The following ARHGEF26 variants were observed in gnomAD, a reference collection of about 807,000 sequenced individuals.
ARHGEF26 encodes the protein Rho guanine nucleotide exchange factor 26.
Under a neutral mutation model 89.4 loss-of-function variants are expected in ARHGEF26, and 59 were observed. The ratio of observed to expected loss-of-function variants is 0.66; its 90% CI spans 0.54 to 0.82. The LOEUF (loss-of-function observed/expected upper bound fraction) is 0.82. ARHGEF26 is among the 40% of genes least tolerant of loss of function. The pLI, the probability that ARHGEF26 is intolerant of heterozygous loss-of-function variation, is 0.00. For missense variants in ARHGEF26, 1,234 were observed against 1,085.6 expected, an observed-to-expected ratio of 1.14 and a Z score of -1.92; for synonymous variants, 500 against 428.4, an observed-to-expected ratio of 1.17 and a Z score of -2.06.
chr3:154,195,489 C>T (rs115555773), intron 9 of ARHGEF26, among the ~76,000 whole-genome samples: 1,617 of 152,082 alleles, frequency 0.011, 23 homozygotes, highest in African/African-American at 0.037. Flanking sequence ...GGCAGTGGCC[C>T]CTATTGACAT....
chr3:154,160,483 A>G (rs1206468727), intron 6 of ARHGEF26, among the ~76,000 whole-genome samples: 2 of 152,166 alleles, frequency 1.3e-5, no homozygotes, highest in Admixed American at 1.3e-4. Context: ...AATCCCAGTA[A>G]AAATGATGGG....
At chr3:154,190,097 T>C (rs1370001136) in intron 7 of ARHGEF26, among the ~76,000 whole-genome samples, 1 of 152,180 alleles carries the variant, frequency 6.6e-6, no homozygotes, top group Non-Finnish European at 1.5e-5. Flanking sequence ...AATATCCATC[T>C]ACCTCCTACC....
chr3:154,234,205 C>G (rs929091047), intron 11 of ARHGEF26, among the ~76,000 whole-genome samples: 6 of 152,170 alleles, frequency 3.9e-5, no homozygotes, highest in Non-Finnish European at 7.3e-5. Flanking sequence ...TGTGGGAAAG[C>G]TGGCTTGTGC....
At chr3:154,237,581 GTTTA>G (rs1717201065) in intron 11 of ARHGEF26, among the ~76,000 whole-genome samples, 1 of 90,938 alleles carries the variant, frequency 1.1e-5, no homozygotes, top group Non-Finnish European at 2.2e-5. Flanking sequence ...CACTTAACTA[GTTTA>G]TTCATATTAG....
At chr3:154,148,884 C>CA (rs1163436204) in intron 4 of ARHGEF26, among the ~76,000 whole-genome samples, 2 of 151,942 alleles carry the variant, frequency 1.3e-5, no homozygotes, top group Non-Finnish European at 2.9e-5. Context: ...ACATGTGGAC[C>CA]AAAAAAACAC....
At chr3:154,182,996 C>T (rs1713279517) in intron 6 of ARHGEF26, among the ~76,000 whole-genome samples, 1 of 152,204 alleles carries the variant, frequency 6.6e-6, no homozygotes, top group African/African-American at 2.4e-5. Context: ...AGACCATAAG[C>T]AAGCTCCACA....
intron 9 of ARHGEF26, among the ~76,000 whole-genome samples, chr3:154,215,527 A>C (rs1264090604): frequency 1.3e-5 from 2 of 151,934 alleles, no homozygotes; most frequent in Non-Finnish European, 2.9e-5. Context: ...TTAGAAGGGG[A>C]AATATTTTTG....
chr3:154,136,211 T>TTATTTTAATTTTAATTAAAATATTTTAAG (rs1560045180), intron 4 of ARHGEF26, among the ~76,000 whole-genome samples: 2 of 83,718 alleles, frequency 2.4e-5, no homozygotes, highest in African/African-American at 4.7e-5. Flanking sequence ...GTTTGATTTC[T>TTATTTTAATTTTAATTAAAATATTTTAAG]TAAAGTATTT....
At position 154,122,561 on chromosome 3, in the gene ARHGEF26, A is replaced by C; in HGVS notation, c.569A>C (p.Gln190Pro). 1 of 1,613,626 alleles carries C rather than the reference A, an allele frequency of 6.2e-7. No homozygotes were observed. The highest frequency in any genetic ancestry group is 8.5e-7 in the Non-Finnish European group (1 of 1,179,900). ...ANNDSPGSGS[Q>P]SGRKAKDPER... ...AACGACTCTCCTGGGTCAGGTTCGC[A>C]GTCCGGCCGGAAGGCAAAGGACCCC... The change falls in exon 2 of 15, where the codon CAG (glutamine) becomes CCG (proline). Residue 190 changes from glutamine (Q) to proline (P), a missense_variant. By Grantham distance (76) the Gln-to-Pro change is moderately conservative (BLOSUM62 -1). Transcript: ENST00000465093.
At chr3:154,230,214 C>A (rs1227267328) in intron 11 of ARHGEF26, among the ~76,000 whole-genome samples, 1 of 152,096 alleles carries the variant, frequency 6.6e-6, no homozygotes, top group East Asian at 1.9e-4. Flanking sequence ...ATCAAAGTGC[C>A]ACAAACAAAG....
At chr3:154,255,207 CT>C (rs1296078528) in intron 14 of ARHGEF26, 123 bp from the exon 15 acceptor site, 1 of 1,029,224 alleles carries the variant, frequency 9.7e-7, no homozygotes, top group Non-Finnish European at 1.4e-6. Context: ...CCCTGTCCCA[CT>C]TTCTCTTCTC....
At chr3:154,152,275 A>T (rs1176542845) in intron 5 of ARHGEF26, among the ~76,000 whole-genome samples, 1 of 152,236 alleles carries the variant, frequency 6.6e-6, no homozygotes, top group Non-Finnish European at 1.5e-5. Flanking sequence ...AATTAGTCAG[A>T]TTAAGCATAG....
In ARHGEF26 at chr3:154,122,504, C is replaced by T. The variant is rs770068491; in HGVS notation, c.512C>T (p.Pro171Leu). The T allele has an allele frequency of 3.1e-6, 5 of 1,613,250 alleles. No homozygotes were observed. The highest frequency in any genetic ancestry group is 4.2e-6 in the Non-Finnish European group (5 of 1,179,836). ...DLTGLTASPV[P>L]SPTANGLAAN... is the part of the protein sequence containing the mutation. ...ACTGGGTTGACTGCCAGCCCGGTGCCTTCGCCCACTGCAAATGGCCTTGCC... is the reference window on the plus strand; with the variant it reads ...ACTGGGTTGACTGCCAGCCCGGTGCTTTCGCCCACTGCAAATGGCCTTGCC... Residue 171 changes from proline to leucine, a missense_variant, in exon 2 of 15, where the codon CCT becomes CTT. Transcript: ENST00000465093.
intron 14 of ARHGEF26, 73 bp from the exon 15 acceptor site, chr3:154,255,258 C>A: frequency 6.6e-7 from 1 of 1,510,928 alleles, no homozygotes; most frequent in Non-Finnish European, 9.0e-7. Context: ...TGCCTCTCAG[C>A]TTTTTCATAT....
At chr3:154,212,536 T>G (rs562145352) in intron 9 of ARHGEF26, among the ~76,000 whole-genome samples, 1 of 145,924 alleles carries the variant, frequency 6.9e-6, no homozygotes, top group South Asian at 2.3e-4. Context: ...TTAAAAGTGG[T>G]CTCCAACCTT....
chr3:154,122,746 C>T lies in ARHGEF26; in HGVS notation c.754C>T (p.Pro252Ser), dbSNP rs907556411. The T allele has an allele frequency of 6.2e-7, 1 of 1,612,612 alleles. No individual in the cohort carries two copies. The highest frequency in any genetic ancestry group is 1.7e-5 in the Admixed American group (1 of 59,782). Reference sequence around the variant, plus strand: ...CAAAGTGGGGAAGCAGCAGATCATTCCGAAGAGTCTGGCCTCGGAAATTAA... The same window carrying T: ...CAAAGTGGGGAAGCAGCAGATCATTTCGAAGAGTCTGGCCTCGGAAATTAA... Reference protein sequence around the residue: ...ALKVGKQQIIPKSLASEIKIS... With the variant: ...ALKVGKQQIISKSLASEIKIS... Residue 252 changes from proline to serine, a missense_variant, in exon 2 of 15, where the codon CCG becomes TCG. Coordinates refer to ENST00000465093, the MANE Select transcript of ARHGEF26 (RefSeq NM_015595.4).
chr3:154,161,400 A>G lies in ARHGEF26; in HGVS notation c.1487+8468A>G, dbSNP rs181678772. 2.4e-4 allele frequency among the ~76,000 whole-genome samples: 36 copies of G among 152,270 alleles called. No individual in the cohort carries two copies. In the East Asian group the frequency reaches 6.0e-3, roughly 25 times the overall value. ...TTTCTCATTTAATAAGGATGATAGT[A>G]TACTTAACCTTATAAGATTGTTTTG... is the stretch of plus-strand genomic sequence containing the variant. On this transcript the variant is annotated intron_variant, in intron 6 of 14. Transcript: ENST00000465093.
intron 9 of ARHGEF26, among the ~76,000 whole-genome samples, chr3:154,200,302 T>C (rs1439157165): frequency 6.6e-6 from 1 of 152,208 alleles, no homozygotes; most frequent in Non-Finnish European, 1.5e-5. Flanking sequence ...CTCAGCACCA[T>C]TTATTAAAGA....
intron 12 of ARHGEF26, among the ~76,000 whole-genome samples, chr3:154,249,854 C>T (rs951637014): frequency 6.6e-6 from 1 of 152,172 alleles, no homozygotes; most frequent in Non-Finnish European, 1.5e-5. Flanking sequence ...TGTTTTATAT[C>T]GATACGTCCC....
Sources: allele counts gnomAD v4.1 joint callset (sites outside exome capture counted in the v4.1 genomes callset), GRCh38; gene constraint gnomAD v4.1.1; transcripts MANE v1.5; gene names NCBI Gene and HGNC (gene_info 2026-07-23, HGNC 2026-07-21).